The following FANCA variants were observed in gnomAD, a reference collection of about 807,000 sequenced individuals.
FANCA encodes Fanconi anemia group A protein.
Under a neutral mutation model 194.3 loss-of-function variants are expected in FANCA, and 236 were observed. The observed-to-expected ratio is 1.21, with a 90% CI of 1.09 to 1.35. FANCA has a LOEUF of 1.35. Among genes scored for constraint, FANCA ranks in the 40% most tolerant of loss-of-function variants. The pLI, the probability that FANCA is intolerant of heterozygous loss-of-function variation, is 0.00. For missense variants in FANCA, 2,628 were observed against 1,813.9 expected (o/e 1.45, Z -8.15); for synonymous variants, 1,014 against 715.8 (o/e 1.42, Z -6.65).
chr16:89,775,250 T>C (rs979188047), intron 21 of FANCA, among the ~76,000 whole-genome samples: 15 of 152,110 alleles, frequency 9.9e-5, no homozygotes, highest in African/African-American at 3.6e-4. Flanking sequence ...GAGTGCAGCC[T>C]TTCACGGATT....
In FANCA at chr16:89,792,554, G is replaced by C. The variant is rs111271660; in HGVS notation, c.1007-7C>G. 8.6e-5 allele frequency: 138 copies of C among 1,612,562 alleles called. 1 individual carries two copies. In the South Asian group the frequency reaches 1.3e-3, roughly 16 times the overall value. Reference sequence around the variant, plus strand: ...ATCTGAACAGCATCAGATGCTGCAGGGGGAGAAACAGACAAAAACTTCAAG... The same window carrying C: ...ATCTGAACAGCATCAGATGCTGCAGCGGGAGAAACAGACAAAAACTTCAAG... On this transcript the variant is annotated splice_region_variant and splice_polypyrimidine_tract_variant and intron_variant, in intron 11 of 42. Transcript: ENST00000389301.
intron 6 of FANCA, among the ~76,000 whole-genome samples, chr16:89,805,965 T>C (rs969316728): frequency 1.3e-5 from 2 of 151,888 alleles, no homozygotes; most frequent in Non-Finnish European, 2.9e-5. Context: ...CAGGCTGGAG[T>C]GCAATGGCAC....
At position 89,748,535 on chromosome 16, in the gene FANCA, A is replaced by G. The variant is rs2038469585; in HGVS notation, c.3348+124T>C. 2.7e-5 allele frequency: 22 copies of G among 807,352 alleles called. No homozygotes were observed. The South Asian group carries it at 2.9e-4, about 11-fold the overall frequency. The allele number at this position is 807,352 out of a possible 1,614,324, so 50.0% of individuals were successfully genotyped here. ...CATGGCATTCCAGACACTGTTCCCTATTTGACTTTGAACCCTTTCCTCAGT... is the reference window on the plus strand; with the variant it reads ...CATGGCATTCCAGACACTGTTCCCTGTTTGACTTTGAACCCTTTCCTCAGT... On this transcript the variant is annotated intron_variant, in intron 33 of 42. Coordinates refer to ENST00000389301, the MANE Select transcript of FANCA (RefSeq NM_000135.4).
chr16:89,799,369 C>A (rs944477640), intron 9 of FANCA, 137 bp from the exon 10 acceptor site: 1 of 1,053,068 alleles, frequency 9.5e-7, no homozygotes, highest in Middle Eastern at 2.9e-4. Flanking sequence ...CTTCTACAAT[C>A]TGTAGGCCTT....
At chr16:89,770,768 G>A (rs1484328484) in intron 23 of FANCA, 134 bp from the exon 24 acceptor site, 4 of 784,290 alleles carry the variant, frequency 5.1e-6, no homozygotes, top group Non-Finnish European at 8.7e-6. Context: ...TTGTTTGGAG[G>A]GCATGTTACA....
chr16:89,774,375 C>A (rs1219461398), intron 21 of FANCA, among the ~76,000 whole-genome samples: 1 of 152,114 alleles, frequency 6.6e-6, no homozygotes, highest in Non-Finnish European at 1.5e-5. Context: ...ACGCCTCACA[C>A]CGCAGGGTAC....
At chr16:89,760,617 C>G (rs1238038782) in intron 29 of FANCA, among the ~76,000 whole-genome samples, 2 of 152,180 alleles carry the variant, frequency 1.3e-5, no homozygotes, top group East Asian at 3.8e-4. Context: ...CCTCTGGGCT[C>G]CCTACTCCTA....
At chr16:89,794,855 C>A (rs974327759) in intron 11 of FANCA, among the ~76,000 whole-genome samples, 1 of 152,146 alleles carries the variant, frequency 6.6e-6, no homozygotes, top group African/African-American at 2.4e-5. Flanking sequence ...CCATCAAACA[C>A]GCCACCGAGT....
At position 89,775,807 on chromosome 16, in the gene FANCA, T is replaced by C. The variant is rs777736014; in HGVS notation, c.1835A>G (p.Lys612Arg). 6.3e-5 allele frequency: 101 copies of C among 1,610,844 alleles called. No homozygotes were observed. The highest frequency in any genetic ancestry group is 8.5e-5 in the Non-Finnish European group (100 of 1,178,086). The change falls in exon 21 of 43, where the codon AAA becomes AGA. Residue 612 changes from lysine (K) to arginine (R), a missense_variant. By Grantham distance (26) the Lys-to-Arg change is conservative. Coordinates refer to ENST00000389301, the MANE Select transcript of FANCA (RefSeq NM_000135.4). Reference protein sequence around the residue: ...AFIESLKRADKIPPSLYSTYC... With the variant: ...AFIESLKRADRIPPSLYSTYC... ...GGTGGAGTACAGAGATGGGGGGATT[T>C]TATCTGCTCTGGATCACAGGAAAAC...
chr16:89,774,281 T>TG (rs1399167296), intron 21 of FANCA, among the ~76,000 whole-genome samples: 2 of 152,076 alleles, frequency 1.3e-5, no homozygotes, highest in African/African-American at 4.8e-5. Context: ...GAAACCATTC[T>TG]GGAAGCCACC....
chr16:89,808,362 A>G lies in FANCA; in HGVS notation c.528T>C (p.Ser176=), dbSNP rs902257190. 15 of 1,614,196 alleles carry G rather than the reference A, an allele frequency of 9.3e-6. No homozygotes were observed. The highest frequency in any genetic ancestry group is 1.3e-5 in the Non-Finnish European group (15 of 1,180,040). Residue 176 remains serine (S), a synonymous_variant, in exon 6 of 43, where the codon TCT becomes TCC. Transcript: ENST00000389301. The stretch of plus-strand genomic sequence containing the variant: ...GATGCCACACCGCTTCAAGCAACAA[A>G]GAACTCTGAAAAACAAAACAAAACA... ...FCQELWKIQS[S]LLLEAVWHLH...
At chr16:89,768,477 A>G (rs2039206114) in intron 26 of FANCA, among the ~76,000 whole-genome samples, 1 of 152,042 alleles carries the variant, frequency 6.6e-6, no homozygotes, top group African/African-American at 2.4e-5. Flanking sequence ...CCAACATGGC[A>G]AAACCCCATC....
In FANCA at chr16:89,758,556, A is replaced by G; in HGVS notation, c.2981+21T>C. ...TAGTCCTGTCCCTCCAGAGAACCCTAATACAGTGTGTGCTGCTAACCTTTG... is the reference window on the plus strand; with the variant it reads ...TAGTCCTGTCCCTCCAGAGAACCCTGATACAGTGTGTGCTGCTAACCTTTG... On this transcript the variant is annotated intron_variant, in intron 30 of 42. Transcript: ENST00000389301. 3.1e-6 allele frequency: 5 copies of G among 1,612,236 alleles called. No individual in the cohort carries two copies. The South Asian group carries it at 3.3e-5, about 11-fold the overall frequency.
intron 32 of FANCA, among the ~76,000 whole-genome samples, 140 bp downstream of exon 32, chr16:89,749,573 CCGTGGCATGTGCCACAG>C (rs1261261422): frequency 3.3e-5 from 5 of 152,220 alleles, no homozygotes; most frequent in Admixed American, 3.3e-4. Flanking sequence ...ATCCTCTTCT[CCGTGGCATGTGCCACAG>C]AAATGGACAG....
chr16:89,797,348 A>G (rs1000720702), intron 10 of FANCA, among the ~76,000 whole-genome samples: 6 of 151,944 alleles, frequency 3.9e-5, no homozygotes, highest in Non-Finnish European at 8.8e-5. Flanking sequence ...TAAAGAAAGA[A>G]AGAAAGAAAA....
At position 89,743,435 on chromosome 16, in the gene FANCA, C is replaced by G. The variant is rs559328001; in HGVS notation, c.3627-497G>C. Reference sequence around the variant, plus strand: ...GAGACTTTAAATAAGCTGGGCATGACGGTTCACATCTGCAATCATAGCACT... The same window carrying G: ...GAGACTTTAAATAAGCTGGGCATGAGGGTTCACATCTGCAATCATAGCACT... On this transcript the variant is annotated intron_variant, in intron 36 of 42. Transcript: ENST00000389301. Among the ~76,000 whole-genome samples, 4 of 152,306 alleles carry G rather than the reference C, an allele frequency of 2.6e-5. No individual in the cohort carries two copies. In the South Asian group the frequency reaches 8.3e-4, roughly 32 times the overall value.
chr16:89,760,917 C>A (rs1041673853), intron 29 of FANCA, among the ~76,000 whole-genome samples: 1 of 152,142 alleles, frequency 6.6e-6, no homozygotes, highest in Non-Finnish European at 1.5e-5. Flanking sequence ...TGTACAGCTC[C>A]CGGACAGCAG....
chr16:89,757,449 G>A (rs1028378022), intron 30 of FANCA, among the ~76,000 whole-genome samples: 2 of 152,168 alleles, frequency 1.3e-5, no homozygotes, highest in Non-Finnish European at 2.9e-5. Flanking sequence ...CAACACAGAT[G>A]AGCCTCAGAA....
intron 28 of FANCA, among the ~76,000 whole-genome samples, 158 bp from the exon 29 acceptor site, chr16:89,762,180 A>G (rs2038974735): frequency 6.6e-6 from 1 of 152,246 alleles, no homozygotes; most frequent in South Asian, 2.1e-4. Flanking sequence ...AAGAAACCTT[A>G]GTTTTATCAA....
Sources: allele counts gnomAD v4.1 joint callset (sites outside exome capture counted in the v4.1 genomes callset), GRCh38; gene constraint gnomAD v4.1.1; transcripts MANE v1.5; gene names NCBI Gene and HGNC (gene_info 2026-07-23, HGNC 2026-07-21).